The following ADGRL3 variants were observed in gnomAD, a reference collection of about 807,000 sequenced individuals.
ADGRL3 encodes adhesion G protein-coupled receptor L3.
A neutral mutation model predicts 153.5 loss-of-function variants in ADGRL3; 62 were observed. That is an observed-to-expected ratio of 0.40 (90% CI 0.33 to 0.50). ADGRL3 has a LOEUF of 0.50. ADGRL3 is among the 20% of genes least tolerant of loss of function. The pLI, the probability that ADGRL3 is intolerant of heterozygous loss-of-function variation, is 0.47. For synonymous variants in ADGRL3, 710 were observed against 672.5 expected, an observed-to-expected ratio of 1.06 and a Z score of -0.86; for missense variants, 1,641 against 1,859.4, an observed-to-expected ratio of 0.88 and a Z score of 2.16.
chr4:61,795,005 C>T (rs2097391718), intron 8 of ADGRL3, among the ~76,000 whole-genome samples: 2 of 152,140 alleles, frequency 1.3e-5, no homozygotes, highest in African/African-American at 4.8e-5. Context: ...AGTAAAAGCA[C>T]TTTACATGAA....
At chr4:61,844,584 A>ATATAT (rs1367202359) in intron 9 of ADGRL3, among the ~76,000 whole-genome samples, 1 of 116,368 alleles carries the variant, frequency 8.6e-6, no homozygotes, top group Non-Finnish European at 1.7e-5. Context: ...AAATATATAT[A>ATATAT]TATATATATA....
chr4:61,643,861 A>G (rs1268873594), intron 5 of ADGRL3, among the ~76,000 whole-genome samples: 10 of 148,358 alleles, frequency 6.7e-5, no homozygotes, highest in Admixed American at 6.1e-4. Flanking sequence ...TTCAGAAGGC[A>G]TGGTACCAGT....
intron 8 of ADGRL3, among the ~76,000 whole-genome samples, chr4:61,793,418 A>T (rs1241378965): frequency 6.6e-6 from 1 of 152,094 alleles, no homozygotes; most frequent in Non-Finnish European, 1.5e-5. Flanking sequence ...GCGAGACTCC[A>T]TCAAAAACAA....
chr4:61,683,114 A>ATT (rs34187412), intron 6 of ADGRL3, among the ~76,000 whole-genome samples: 50,285 of 140,910 alleles, frequency 0.36, 9,297 homozygotes, highest in East Asian at 0.52. Context: ...CAAGAGCTGT[A>ATT]TTTTTTTTTT....
chr4:62,060,281 GGAA>G (rs1739357814), intron 25 of ADGRL3, among the ~76,000 whole-genome samples: 2 of 151,952 alleles, frequency 1.3e-5, no homozygotes, highest in African/African-American at 4.8e-5. Context: ...TATGAAGCAA[GGAA>G]GAAGAGTGGC....
At chr4:61,497,550 C>T (rs1285180409) in intron 3 of ADGRL3, among the ~76,000 whole-genome samples, 1 of 135,458 alleles carries the variant, frequency 7.4e-6, no homozygotes, top group Non-Finnish European at 1.5e-5. Flanking sequence ...GAGCCTCGCA[C>T]TGTCACCCAG....
chr4:61,726,793 G>T (rs978336844), intron 6 of ADGRL3, among the ~76,000 whole-genome samples: 1 of 152,016 alleles, frequency 6.6e-6, no homozygotes, highest in African/African-American at 2.4e-5. Context: ...ACCATGTTAT[G>T]TCCCCTATAA....
intron 5 of ADGRL3, among the ~76,000 whole-genome samples, chr4:61,667,764 C>A (rs1341747280): frequency 1.3e-5 from 2 of 152,158 alleles, no homozygotes; most frequent in African/African-American, 4.8e-5. Flanking sequence ...CAAACATAAT[C>A]TTTTAACCAA....
intron 1 of ADGRL3, among the ~76,000 whole-genome samples, chr4:61,317,400 T>C (rs971530724): frequency 3.3e-5 from 5 of 152,186 alleles, no homozygotes; most frequent in Non-Finnish European, 5.9e-5. Flanking sequence ...CAAAGATCAA[T>C]AGGATCTTTA....
At chr4:61,980,474 CTG>C (rs1476217922) in intron 18 of ADGRL3, among the ~76,000 whole-genome samples, 2 of 151,774 alleles carry the variant, frequency 1.3e-5, no homozygotes, top group African/African-American at 4.8e-5. Context: ...AGGTCTCACT[CTG>C]TCATTCACGC....
At chr4:61,817,556 C>T (rs1311164504) in intron 9 of ADGRL3, among the ~76,000 whole-genome samples, 1 of 152,210 alleles carries the variant, frequency 6.6e-6, no homozygotes, top group Non-Finnish European at 1.5e-5. Flanking sequence ...AAGCTACCCA[C>T]TTCAGGTCTC....
At chr4:61,919,871 T>A (rs2149960121) in intron 13 of ADGRL3, among the ~76,000 whole-genome samples, 1 of 152,346 alleles carries the variant, frequency 6.6e-6, no homozygotes, top group Admixed American at 6.5e-5. Context: ...GCACATTTCC[T>A]GTAAATAAAC....
At chr4:61,323,018 T>C (rs2095393415) in intron 1 of ADGRL3, among the ~76,000 whole-genome samples, 1 of 152,230 alleles carries the variant, frequency 6.6e-6, no homozygotes, top group Admixed American at 6.5e-5. Context: ...CCATAAATCC[T>C]GTGAAATCTA....
chr4:61,557,926 C>A (rs1334406705), intron 4 of ADGRL3, among the ~76,000 whole-genome samples: 1 of 151,478 alleles, frequency 6.6e-6, no homozygotes, highest in Non-Finnish European at 1.5e-5. Flanking sequence ...AAAACAACTC[C>A]ATCGAGGTCA....
intron 19 of ADGRL3, 70 bp downstream of exon 19, chr4:61,983,673 G>T (rs1387625020): frequency 7.3e-7 from 1 of 1,371,036 alleles, no homozygotes; most frequent in Non-Finnish European, 1.0e-6. Context: ...TGGAAGCAAA[G>T]GTCTTTATAT....
chr4:61,415,227 C>G (rs991779402), intron 2 of ADGRL3, among the ~76,000 whole-genome samples: 1 of 151,830 alleles, frequency 6.6e-6, no homozygotes, highest in Non-Finnish European at 1.5e-5. Flanking sequence ...ACTTTTAAAA[C>G]ACTAGATTTA....
intron 1 of ADGRL3, among the ~76,000 whole-genome samples, chr4:61,310,592 A>G (rs1342773269): frequency 2.6e-5 from 4 of 152,148 alleles, no homozygotes; most frequent in Non-Finnish European, 4.4e-5. Context: ...TCAAGCAGTC[A>G]TATGTGTATT....
intron 9 of ADGRL3, among the ~76,000 whole-genome samples, chr4:61,837,792 TA>T (rs570180343): frequency 9.5e-4 from 144 of 152,208 alleles, no homozygotes; most frequent in African/African-American, 3.3e-3. Flanking sequence ...TGAAACAACT[TA>T]AAAATAATAG....
At chr4:61,433,356 C>CTTTTT (rs77395683) in intron 2 of ADGRL3, among the ~76,000 whole-genome samples, 89 of 101,930 alleles carry the variant, frequency 8.7e-4, no homozygotes, top group Admixed American at 3.0e-3. Context: ...CTGTGAATAG[C>CTTTTT]TTTTTTTTTA....
Sources: allele counts gnomAD v4.1 joint callset (sites outside exome capture counted in the v4.1 genomes callset), GRCh38; gene constraint gnomAD v4.1.1; transcripts MANE v1.5; gene names NCBI Gene and HGNC (gene_info 2026-07-23, HGNC 2026-07-21).